Variants in SMAD4 observed in about 807,000 individuals in gnomAD.
SMAD4 encodes SMAD family member 4.
Under a neutral mutation model 63.2 loss-of-function variants are expected in SMAD4, and 7 were observed. That is an observed-to-expected ratio of 0.11 (90% CI 0.06 to 0.21). SMAD4 has a LOEUF of 0.21. Ranked by LOEUF, SMAD4 falls within the 10% of genes least tolerant of loss-of-function variation. The pLI, the probability that SMAD4 is intolerant of heterozygous loss-of-function variation, is 1.00. For synonymous variants in SMAD4, 215 were observed against 235.4 expected, an observed-to-expected ratio of 0.91 and a Z score of 0.79; for missense variants, 312 against 693.8, an observed-to-expected ratio of 0.45 and a Z score of 6.18.
Position 51,065,592 on chromosome 18 carries a change from C to T in SMAD4, c.1125C>T (p.Ala375=), listed in dbSNP as rs1060504023. 7 of 1,613,994 alleles carry T rather than the reference C, an allele frequency of 4.3e-6. No individual in the cohort carries two copies. Among genetic ancestry groups the T allele is most frequent in the Non-Finnish European group, 5.9e-6 (7 of 1,179,920 alleles). Residue 375 remains alanine (A), a synonymous_variant, in exon 9 of 12, where the codon GCC becomes GCT. Coordinates refer to ENST00000342988, the MANE Select transcript of SMAD4 (RefSeq NM_005359.6). ...GQLSNVHRTE[A]IERARLHIGK... ...TCTCCAATGTCCACAGGACAGAAGC[C>T]ATTGAGAGAGCAAGGTATTGATTGT...
At chr18:51,055,059 G>GT (rs1909807230) in intron 5 of SMAD4, 66 bp downstream of exon 5, 3 of 1,166,438 alleles carry the variant, frequency 2.6e-6, no homozygotes, top group Non-Finnish European at 3.9e-6. Context: ...TTTATGTGTA[G>GT]TCACTTGGGG....
intron 1 of SMAD4, among the ~76,000 whole-genome samples, chr18:51,035,559 T>C (rs964264269): frequency 6.6e-6 from 1 of 152,196 alleles, no homozygotes. Flanking sequence ...GCAAATTGTC[T>C]TCTTAGGGCG....
At chr18:51,077,398 T>A (rs2144476211) in intron 11 of SMAD4, 1 of 985,158 alleles carries the variant, frequency 1.0e-6, no homozygotes, top group Admixed American at 6.1e-5. Context: ...ATTCAACCCC[T>A]GTTCTTAACC....
rs368475741 is a variant in SMAD4 at position 51,070,316 on chromosome 18, T to A, written c.1308+3129T>A. Among the ~76,000 whole-genome samples, 42 of 152,338 alleles carry A rather than the reference T, an allele frequency of 2.8e-4. No individual in the cohort carries two copies. In the East Asian group the frequency reaches 3.7e-3, roughly 13 times the overall value. On this transcript the variant is annotated intron_variant, in intron 10 of 11. Transcript: ENST00000342988. ...TTTATATTTTGGTACAGATGGCCTT[T>A]GAAAAGCCCCCAAGGTGTGAGACAA...
chr18:51,084,631 TTAAGAC>T lies in SMAD4; in HGVS notation c.*6168_*6173del, dbSNP rs1910704431. 1.3e-5 allele frequency: 3 copies of T among 230,020 alleles called. No individual in the cohort carries two copies. Among genetic ancestry groups the T allele is most frequent in the Non-Finnish European group, 2.6e-5 (3 of 116,080 alleles). 14.2% of individuals were successfully genotyped at this position (230,020 alleles called of 1,614,324 possible). A position where few individuals can be genotyped will look rare whatever the true frequency, so the allele number is the denominator to read the frequency against. ...AGAAGGACTCACGGGCTTGGATTGATTAAGACTAAACATGGAGTTGGCAAACTTTCT... is the reference window on the plus strand; with the variant it reads ...AGAAGGACTCACGGGCTTGGATTGATTAAACATGGAGTTGGCAAACTTTCT... On this transcript the variant is annotated 3_prime_UTR_variant, in exon 12 of 12. Transcript: ENST00000342988.
At chr18:51,030,708 A>ACGACGG (rs1365341096) in intron 1 of SMAD4, 85 bp downstream of exon 1, 7 of 149,488 alleles carry the variant, frequency 4.7e-5, no homozygotes, top group Admixed American at 1.3e-4. Context: ...CGGGCTCCCG[A>ACGACGG]CGACGGCGGC....
At chr18:51,060,623 T>TA (rs879590449) in intron 8 of SMAD4, among the ~76,000 whole-genome samples, 37 of 152,128 alleles carry the variant, frequency 2.4e-4, no homozygotes, top group Non-Finnish European at 4.3e-4. Context: ...TATGAAGAAT[T>TA]ATATTTTTAT....
chr18:51,030,778 A>ACGAGC (rs1383552993), intron 1 of SMAD4, among the ~76,000 whole-genome samples, 155 bp downstream of exon 1: 1 of 151,062 alleles, frequency 6.6e-6, no homozygotes, highest in Non-Finnish European at 1.5e-5. Context: ...CGGCGGCCTG[A>ACGAGC]CGAGCCGGGC....
At chr18:51,036,169 G>A (rs962345038) in intron 1 of SMAD4, among the ~76,000 whole-genome samples, 4 of 151,884 alleles carry the variant, frequency 2.6e-5, no homozygotes, top group African/African-American at 9.7e-5. Flanking sequence ...GTAGAAATGG[G>A]GGGGCGGGGG....
At chr18:51,051,366 A>G in intron 4 of SMAD4, 1 of 456,190 alleles carries the variant, frequency 2.2e-6, no homozygotes, top group Non-Finnish European at 4.4e-6. Flanking sequence ...AACAACTGGT[A>G]TTTCTCACAG....
chr18:51,036,140 A>AT (rs1210487466), intron 1 of SMAD4, among the ~76,000 whole-genome samples: 1 of 151,666 alleles, frequency 6.6e-6, no homozygotes, highest in Non-Finnish European at 1.5e-5. Context: ...CGCCTGGCTG[A>AT]TTTTTTTAAA....
At chr18:51,037,283 G>A (rs1413976489) in intron 1 of SMAD4, among the ~76,000 whole-genome samples, 1 of 152,204 alleles carries the variant, frequency 6.6e-6, no homozygotes, top group African/African-American at 2.4e-5. Context: ...CCCAAAGTAT[G>A]GTCCACAGAC....
At chr18:51,073,388 TACACACACACACACACACAC>T (rs201632233) in intron 10 of SMAD4, among the ~76,000 whole-genome samples, 5 of 64,160 alleles carry the variant, frequency 7.8e-5, no homozygotes, top group East Asian at 1.1e-3. Flanking sequence ...TATATATATA[TACACACACACACACACACAC>T]ACACACACAC....
At chr18:51,075,419 T>G (rs916778783) in intron 10 of SMAD4, among the ~76,000 whole-genome samples, 17 of 152,198 alleles carry the variant, frequency 1.1e-4, no homozygotes, top group African/African-American at 4.1e-4. Flanking sequence ...AATGGGACTT[T>G]AAAAAATATT....
chr18:51,048,662 A>G (rs1209698872), intron 2 of SMAD4, 24 bp from the exon 3 acceptor site: 1 of 1,610,932 alleles, frequency 6.2e-7, no homozygotes, highest in Non-Finnish European at 8.5e-7. Flanking sequence ...TGACACATGA[A>G]TAAATGGTCG....
rs939737709 is a variant in SMAD4 at position 51,078,830 on chromosome 18, C to T, written c.*363C>T. The T allele has an allele frequency of 2.3e-5, 6 of 260,990 alleles. No homozygotes were observed. The highest frequency in any genetic ancestry group is 4.4e-5 in the Non-Finnish European group (6 of 134,900). 16.2% of individuals were successfully genotyped at this position (260,990 alleles called of 1,614,324 possible). A position where few individuals can be genotyped will look rare whatever the true frequency, so the allele number is the denominator to read the frequency against. On this transcript the variant is annotated 3_prime_UTR_variant, in exon 12 of 12. Coordinates refer to ENST00000342988, the MANE Select transcript of SMAD4 (RefSeq NM_005359.6). ...ATGTATATCATTCTACAGAATAATC[C>T]AGTATTGCTGATTTTAAAGGCAGAG...
Position 51,080,952 on chromosome 18 carries a change from G to C in SMAD4, c.*2485G>C, listed in dbSNP as rs1484951127. 4 of 198,090 alleles carry C rather than the reference G, an allele frequency of 2.0e-5. No individual in the cohort carries two copies. The East Asian group carries it at 2.4e-4, about 12-fold the overall frequency. 12.3% of individuals were successfully genotyped at this position (198,090 alleles called of 1,614,324 possible). ...TCTTTGGAGCCAAGCCACCTGTCTT[G>C]GTTTCTTTCTACTAAGAGCCATAAA... On this transcript the variant is annotated 3_prime_UTR_variant, in exon 12 of 12. Transcript: ENST00000342988.
chr18:51,048,570 A>C (rs1909613835), intron 2 of SMAD4, 116 bp from the exon 3 acceptor site: 1 of 927,422 alleles, frequency 1.1e-6, no homozygotes, highest in African/African-American at 1.6e-5. Flanking sequence ...TAGTTTTCTT[A>C]TTTATGAAAT....
intron 8 of SMAD4, among the ~76,000 whole-genome samples, chr18:51,063,703 A>G (rs1910078830): frequency 6.6e-6 from 1 of 152,204 alleles, no homozygotes; most frequent in Non-Finnish European, 1.5e-5. Flanking sequence ...ATGAGCCACC[A>G]TGCCCGGCTG....
Sources: gnomAD v4.1 joint callset for allele counts (sites outside exome capture counted in the v4.1 genomes callset) on GRCh38, gnomAD v4.1.1 for gene constraint, MANE v1.5 for transcripts, NCBI Gene and HGNC (gene_info 2026-07-23, HGNC 2026-07-21) for gene names.